The following PDE8B variants were observed in gnomAD, a reference collection of about 807,000 sequenced individuals.
PDE8B encodes the protein high affinity cAMP-specific and IBMX-insensitive 3',5'-cyclic phosphodiesterase 8B.
In PDE8B, 26 loss-of-function variants were observed where a neutral mutation model predicts 101.3. The observed-to-expected ratio is 0.26, with a 90% CI of 0.19 to 0.36. The LOEUF is 0.36. PDE8B is among the 10% of genes least tolerant of loss of function. The pLI, the probability that PDE8B is intolerant of heterozygous loss-of-function variation, is 1.00. For synonymous variants in PDE8B, 424 were observed against 429.3 expected (o/e 0.99, Z 0.15); for missense variants, 810 against 1,163.1 (o/e 0.70, Z 4.42).
chr5:77,210,125 G>T (rs1231987399), upstream of PDE8B, among the ~76,000 whole-genome samples: 1 of 152,176 alleles, frequency 6.6e-6, no homozygotes, highest in Non-Finnish European at 1.5e-5. This position sits in a 1 kb window ranked among gnomAD's most constrained non-coding sequence, Gnocchi z 4.9. Flanking sequence ...GCCTCCTGGT[G>T]TTTAGCTCTG....
At chr5:77,173,873 T>C in the PDE8B span, among the ~76,000 whole-genome samples, 1 of 152,166 alleles carries the variant, frequency 6.6e-6, no homozygotes, top group African/African-American at 2.4e-5. Context: ...TTACTTCTGT[T>C]AGGGAATAAC....
At chr5:77,231,748 C>T (rs1580453246) in intron 1 of PDE8B, among the ~76,000 whole-genome samples, 2 of 152,206 alleles carry the variant, frequency 1.3e-5, no homozygotes, top group Admixed American at 1.3e-4. Context: ...AATGAGATGC[C>T]TAGACTAGCA....
intron 1 of PDE8B, among the ~76,000 whole-genome samples, chr5:77,300,430 C>A (rs1426101723): frequency 1.3e-5 from 2 of 152,222 alleles, no homozygotes; most frequent in African/African-American, 4.8e-5. Context: ...GTACCCCTTT[C>A]ATACTCTCTA....
At chr5:77,180,412 G>A in the PDE8B span, 7 of 983,850 alleles carry the variant, frequency 7.1e-6, no homozygotes, top group South Asian at 1.4e-4. Flanking sequence ...CGCCAGGCAC[G>A]GGCACCACCA....
intron 20 of PDE8B, among the ~76,000 whole-genome samples, chr5:77,422,979 T>C (rs1479544880): frequency 6.6e-6 from 1 of 152,170 alleles, no homozygotes; most frequent in Non-Finnish European, 1.5e-5. Context: ...GTAGTAAACA[T>C]AGTACCCAAT....
the PDE8B span, among the ~76,000 whole-genome samples, chr5:77,138,326 T>C: frequency 6.6e-6 from 1 of 152,160 alleles, no homozygotes; most frequent in Non-Finnish European, 1.5e-5. Flanking sequence ...ATGGATTAAA[T>C]TTTTGGGACA....
At chr5:77,349,300 G>A (rs1780672846) in intron 7 of PDE8B, 119 bp from the exon 8 acceptor site, 1 of 1,328,614 alleles carries the variant, frequency 7.5e-7, no homozygotes, top group Non-Finnish European at 1.1e-6. Context: ...TGTTTGCCCT[G>A]GGAACTTCTT....
chr5:77,264,338 T>C (rs1452068534), intron 1 of PDE8B, among the ~76,000 whole-genome samples: 1 of 152,254 alleles, frequency 6.6e-6, no homozygotes, highest in Non-Finnish European at 1.5e-5. Flanking sequence ...TTTGAGGAAC[T>C]GCCTGTTTTG....
At chr5:77,216,120 T>G (rs1346181034) in intron 1 of PDE8B, among the ~76,000 whole-genome samples, 2 of 152,098 alleles carry the variant, frequency 1.3e-5, no homozygotes, top group African/African-American at 4.8e-5. Flanking sequence ...CCAAAAGGGT[T>G]AACTCAGAAT....
At chr5:77,375,058 C>T (rs1785805641) in intron 10 of PDE8B, among the ~76,000 whole-genome samples, 1 of 152,186 alleles carries the variant, frequency 6.6e-6, no homozygotes, top group Non-Finnish European at 1.5e-5. Context: ...CCAGAGGATA[C>T]AGCTGTTTTT....
chr5:77,230,959 A>G (rs568829045), intron 1 of PDE8B, among the ~76,000 whole-genome samples: 1 of 152,306 alleles, frequency 6.6e-6, no homozygotes, highest in African/African-American at 2.4e-5. Flanking sequence ...AAGAACTGAG[A>G]GAGTTGCTTG....
chr5:77,401,927 TTGAA>T (rs1413861612), intron 11 of PDE8B, among the ~76,000 whole-genome samples: 1 of 152,224 alleles, frequency 6.6e-6, no homozygotes, highest in Non-Finnish European at 1.5e-5. Context: ...TCATCCATCT[TTGAA>T]TAATTTCTAA....
chr5:77,344,378 A>G lies in PDE8B; in HGVS notation c.798-475A>G, dbSNP rs542526853. Among the ~76,000 whole-genome samples the G allele has an allele frequency of 7.2e-5, 11 of 152,368 alleles. No individual in the cohort carries two copies. In the South Asian group the frequency reaches 2.1e-3, roughly 29 times the overall value. On this transcript the variant is annotated intron_variant, in intron 6 of 21. Coordinates refer to ENST00000264917, the MANE Select transcript of PDE8B (RefSeq NM_003719.5). Reference sequence around the variant, plus strand: ...AGGACCACCATTGTATATTGAGTCCATTGTTGAAATATCGTTATGAGTTGC... The same window carrying G: ...AGGACCACCATTGTATATTGAGTCCGTTGTTGAAATATCGTTATGAGTTGC...
chr5:77,331,402 A>G lies in PDE8B; in HGVS notation c.651A>G (p.Val217=), dbSNP rs766844115. The G allele has an allele frequency of 1.2e-6, 2 of 1,613,786 alleles. No homozygotes were observed. Among genetic ancestry groups the G allele is most frequent in the Non-Finnish European group, 1.7e-6 (2 of 1,179,732 alleles). The change falls in exon 5 of 22, where the codon GTA becomes GTG. Residue 217 remains valine, a splice_region_variant and synonymous_variant. Coordinates refer to ENST00000264917, the MANE Select transcript of PDE8B (RefSeq NM_003719.5). ...GACCACATTTTCTGCTTTGCTGCAG[A>G]TCGGATGACCATGAAGAGGCGTCAG... ...HTVILAVVSR[V]SDDHEEASVL...
chr5:77,343,341 G>A (rs776209756), intron 6 of PDE8B, among the ~76,000 whole-genome samples: 10 of 152,188 alleles, frequency 6.6e-5, no homozygotes, highest in Non-Finnish European at 1.5e-4. Flanking sequence ...ACAAGCCTAC[G>A]TGGTATAGCT....
chr5:77,185,996 G>A, the PDE8B span, among the ~76,000 whole-genome samples: 9,086 of 152,212 alleles, frequency 0.06, 950 homozygotes, highest in African/African-American at 0.21. Context: ...TACTTCCCTT[G>A]CAGGGTTATT....
chr5:77,243,197 T>C (rs1411496154), intron 1 of PDE8B, among the ~76,000 whole-genome samples: 1 of 152,182 alleles, frequency 6.6e-6, no homozygotes, highest in Admixed American at 6.5e-5. Context: ...AAGAGGAGTG[T>C]CTAAGAAGAT....
At chr5:77,204,117 G>A in the PDE8B span, among the ~76,000 whole-genome samples, 1 of 143,738 alleles carries the variant, frequency 7.0e-6, no homozygotes, top group Non-Finnish European at 1.5e-5. Context: ...CTATGTGAGA[G>A]TATTCATGGA....
chr5:77,390,984 C>T (rs2150916938), intron 10 of PDE8B, among the ~76,000 whole-genome samples: 1 of 152,308 alleles, frequency 6.6e-6, no homozygotes, highest in Middle Eastern at 3.4e-3. Context: ...ATGCTGCCAG[C>T]ATGTGGGAAT....
Sources: gnomAD v4.1 joint callset for allele counts (sites outside exome capture counted in the v4.1 genomes callset) on GRCh38, gnomAD v4.1.1 for gene constraint, Gnocchi (gnomAD v3.1) non-coding constraint, MANE v1.5 for transcripts, NCBI Gene and HGNC (gene_info 2026-07-23, HGNC 2026-07-21) for gene names.